DPP10: variants seen among roughly 807,000 people sequenced by gnomAD.
DPP10 encodes the protein dipeptidyl peptidase like 10.
A neutral mutation model predicts 120.9 loss-of-function variants in DPP10; 33 were observed. The ratio of observed to expected loss-of-function variants is 0.27; its 90% CI spans 0.21 to 0.37. DPP10 has a LOEUF of 0.37. DPP10 is among the 10% of genes least tolerant of loss of function. The pLI is 1.00. For synonymous variants in DPP10, 337 were observed against 326.1 expected (o/e 1.03, Z -0.36); for missense variants, 816 against 942.8 (o/e 0.87, Z 1.76).
intron 7 of DPP10, among the ~76,000 whole-genome samples, chr2:115,714,527 G>A (rs1169305254): frequency 6.6e-6 from 1 of 152,080 alleles, no homozygotes; most frequent in African/African-American, 2.4e-5. Flanking sequence ...TTATCTCTGT[G>A]CGTTTTCCCT....
rs1286947663 is a variant in DPP10 at position 114,525,133 on chromosome 2, T to G, written c.60+82295T>G. Among the ~76,000 whole-genome samples, 5 of 152,310 alleles carry G rather than the reference T, an allele frequency of 3.3e-5. No individual in the cohort carries two copies. In the East Asian group the frequency reaches 7.7e-4, roughly 24 times the overall value. The stretch of plus-strand genomic sequence containing the variant: ...TCACTTTCTAAGCCTCCAGAAACTG[T>G]ATCCTATGTTCCTTTATATTGTATT... On this transcript the variant is annotated intron_variant, in intron 1 of 25. Coordinates refer to ENST00000410059, the MANE Select transcript of DPP10 (RefSeq NM_020868.6).
At chr2:115,425,160 G>A (rs2070340542) in intron 3 of DPP10, among the ~76,000 whole-genome samples, 2 of 152,160 alleles carry the variant, frequency 1.3e-5, no homozygotes, top group Non-Finnish European at 2.9e-5. Flanking sequence ...CCCTAAAAGG[G>A]TTTATTTAAT....
chr2:115,055,849 G>C (rs1705859721), intron 1 of DPP10, among the ~76,000 whole-genome samples: 1 of 152,038 alleles, frequency 6.6e-6, no homozygotes, highest in South Asian at 2.1e-4. Context: ...ATCATTTAGA[G>C]TTTCCTGTCA....
At chr2:114,702,507 C>T (rs1276702110) in intron 1 of DPP10, among the ~76,000 whole-genome samples, 1 of 151,966 alleles carries the variant, frequency 6.6e-6, no homozygotes, top group Non-Finnish European at 1.5e-5. Flanking sequence ...ATCAGAGTGG[C>T]ATTATATAAT....
At chr2:114,975,212 A>T (rs1173851856) in intron 1 of DPP10, among the ~76,000 whole-genome samples, 2 of 151,880 alleles carry the variant, frequency 1.3e-5, no homozygotes, top group African/African-American at 2.4e-5. Context: ...CGCCCAGCTA[A>T]TTTTTGTATT....
At chr2:115,697,720 T>C (rs574607367) in intron 7 of DPP10, among the ~76,000 whole-genome samples, 1 of 152,256 alleles carries the variant, frequency 6.6e-6, no homozygotes, top group African/African-American at 2.4e-5. Flanking sequence ...GTGCAGTGGC[T>C]GACGCCTGTA....
chr2:114,823,650 T>C (rs1019375254), intron 1 of DPP10, among the ~76,000 whole-genome samples: 2 of 152,298 alleles, frequency 1.3e-5, no homozygotes, highest in East Asian at 3.9e-4. Context: ...TGAGTGATTC[T>C]GGTGAACTGG....
chr2:115,586,580 T>C (rs542850187), intron 5 of DPP10, among the ~76,000 whole-genome samples: 1 of 152,182 alleles, frequency 6.6e-6, no homozygotes, highest in Non-Finnish European at 1.5e-5. Context: ...TGGAAGAAAA[T>C]GCCTGTTTTC....
At chr2:114,753,195 G>A (rs1240559257) in intron 1 of DPP10, among the ~76,000 whole-genome samples, 1 of 152,158 alleles carries the variant, frequency 6.6e-6, no homozygotes, top group Non-Finnish European at 1.5e-5. Flanking sequence ...GGTAGGATGA[G>A]CTAGGCTAAT....
chr2:114,658,497 GGAATACCAT>G, intron 1 of DPP10, among the ~76,000 whole-genome samples: 1 of 152,226 alleles, frequency 6.6e-6, no homozygotes, highest in Middle Eastern at 3.4e-3. Flanking sequence ...TAGGAGCAAA[GGAATACCAT>G]AAAGGCTACA....
chr2:115,433,619 CTT>C (rs2071213444), intron 3 of DPP10, among the ~76,000 whole-genome samples: 2 of 151,974 alleles, frequency 1.3e-5, no homozygotes. Context: ...TTAACACTCT[CTT>C]GATTTCACTT....
At chr2:115,304,690 T>TA (rs1166306389) in intron 1 of DPP10, among the ~76,000 whole-genome samples, 10 of 152,046 alleles carry the variant, frequency 6.6e-5, no homozygotes, top group East Asian at 5.8e-4. Context: ...TACTATTTCT[T>TA]AAAAAAACAA....
chr2:115,280,721 C>T (rs533210081), intron 1 of DPP10, among the ~76,000 whole-genome samples: 1 of 152,294 alleles, frequency 6.6e-6, no homozygotes, highest in Non-Finnish European at 1.5e-5. Context: ...TCAGTGTGAT[C>T]TATTACAAGC....
chr2:115,389,284 C>CAT (rs1418702817), intron 3 of DPP10, among the ~76,000 whole-genome samples: 1 of 151,544 alleles, frequency 6.6e-6, no homozygotes, highest in Non-Finnish European at 1.5e-5. Context: ...CACAAACACA[C>CAT]ACACACACAC....
rs140869665 is a variant in DPP10 at position 115,132,899 on chromosome 2, G to T, written c.61-176340G>T. ...ATTTATACCTAAAAACTCTGTGCAG[G>T]TATGATTTCTGTCATTCCAGAATTC... On this transcript the variant is annotated intron_variant, in intron 1 of 25. Transcript: ENST00000410059. Among the ~76,000 whole-genome samples the T allele has an allele frequency of 2.6e-5, 4 of 151,834 alleles. No homozygotes were observed. In the East Asian group the frequency reaches 7.8e-4, roughly 29 times the overall value.
At chr2:114,567,309 G>A (rs1410543555) in intron 1 of DPP10, among the ~76,000 whole-genome samples, 1 of 152,150 alleles carries the variant, frequency 6.6e-6, no homozygotes, top group African/African-American at 2.4e-5. Flanking sequence ...CATCTGCAAA[G>A]GGATTTTGCA....
intron 1 of DPP10, among the ~76,000 whole-genome samples, chr2:114,870,910 C>G (rs1171642321): frequency 1.5e-5 from 2 of 135,348 alleles, no homozygotes; most frequent in African/African-American, 5.1e-5. Flanking sequence ...GATTAAATGA[C>G]TGGGAATCCT....
intron 24 of DPP10, among the ~76,000 whole-genome samples, chr2:115,838,699 T>A (rs1416803289): frequency 6.6e-6 from 1 of 152,164 alleles, no homozygotes; most frequent in African/African-American, 2.4e-5. Flanking sequence ...GTCACAGGCC[T>A]GGCGCTTCAC....
At chr2:114,494,119 AAAC>A (rs1403285299) in intron 1 of DPP10, among the ~76,000 whole-genome samples, 43 of 139,724 alleles carry the variant, frequency 3.1e-4, no homozygotes, top group African/African-American at 9.4e-4. Context: ...AAAAAAAAAA[AAAC>A]CCAGCAAATT....
Sources: allele counts gnomAD v4.1 joint callset (sites outside exome capture counted in the v4.1 genomes callset), GRCh38; gene constraint gnomAD v4.1.1; transcripts MANE v1.5; gene names NCBI Gene and HGNC (gene_info 2026-07-23, HGNC 2026-07-21).